Variants in IMMP2L observed in about 807,000 individuals in gnomAD.
IMMP2L encodes the protein mitochondrial inner membrane protease subunit 2.
Under a neutral mutation model 19.3 loss-of-function variants are expected in IMMP2L, and 18 were observed. The observed-to-expected ratio is 0.93, with a 90% CI of 0.64 to 1.38. IMMP2L has a LOEUF of 1.38. Among genes scored for constraint, IMMP2L ranks in the 40% most tolerant of loss-of-function variants. The pLI, the probability that IMMP2L is intolerant of heterozygous loss-of-function variation, is 0.00. For missense variants in IMMP2L, 233 were observed against 218.2 expected, an observed-to-expected ratio of 1.07 and a Z score of -0.43; for synonymous variants, 76 against 73.0, an observed-to-expected ratio of 1.04 and a Z score of -0.21.
chr7:111,280,617 C>T (rs1819581011), intron 3 of IMMP2L, among the ~76,000 whole-genome samples: 1 of 152,096 alleles, frequency 6.6e-6, no homozygotes, highest in Admixed American at 6.6e-5. Flanking sequence ...TCATGATGAA[C>T]TGGTCTTCCG....
At chr7:110,769,953 A>T (rs1277826422) in intron 5 of IMMP2L, among the ~76,000 whole-genome samples, 1 of 152,066 alleles carries the variant, frequency 6.6e-6, no homozygotes, top group Admixed American at 6.6e-5. Flanking sequence ...TGACTATCCG[A>T]ACTGTTGGGT....
chr7:111,151,952 T>A lies in IMMP2L; in HGVS notation c.240-188387A>T, dbSNP rs552117200. Among the ~76,000 whole-genome samples, 12 of 152,110 alleles carry A rather than the reference T, an allele frequency of 7.9e-5. 1 individual carries two copies. Among genetic ancestry groups the A allele is most frequent in the African/African-American group, 2.7e-4 (11 of 41,496 alleles). On this transcript the variant is annotated intron_variant, in intron 3 of 5. Coordinates refer to ENST00000405709, the MANE Select transcript of IMMP2L (RefSeq NM_032549.4). The stretch of plus-strand genomic sequence containing the variant: ...CTCTGTCTCAAACAAACGAACAAAA[T>A]CTGAAAACAATATTTGAGATTAAGA...
At chr7:111,243,066 A>C (rs1815325656) in intron 3 of IMMP2L, among the ~76,000 whole-genome samples, 2 of 152,056 alleles carry the variant, frequency 1.3e-5, no homozygotes, top group African/African-American at 4.8e-5. Flanking sequence ...TGAAGGTGAA[A>C]AATATTGTTA....
intron 1 of IMMP2L, among the ~76,000 whole-genome samples, chr7:111,539,195 G>GA (rs1848234277): frequency 8.5e-5 from 2 of 23,630 alleles, no homozygotes; most frequent in Non-Finnish European, 1.6e-4. Context: ...AAGGAAGGAG[G>GA]GAGAAAGAAA....
intron 3 of IMMP2L, among the ~76,000 whole-genome samples, chr7:111,180,042 C>G (rs1807530298): frequency 6.6e-6 from 1 of 151,968 alleles, no homozygotes; most frequent in South Asian, 2.1e-4. Flanking sequence ...CTGGTTTGAT[C>G]TATCCAGAAC....
chr7:110,925,265 A>T (rs901590461), intron 4 of IMMP2L, among the ~76,000 whole-genome samples: 5 of 152,058 alleles, frequency 3.3e-5, no homozygotes, highest in Admixed American at 6.6e-5. Context: ...TAAAAAGTTA[A>T]CTCTAACTTC....
chr7:110,972,160 G>A (rs1242757588), intron 3 of IMMP2L, among the ~76,000 whole-genome samples: 3 of 148,746 alleles, frequency 2.0e-5, no homozygotes, highest in Non-Finnish European at 4.4e-5. Context: ...TTAGCAAATT[G>A]TTTCCAGAAA....
intron 3 of IMMP2L, among the ~76,000 whole-genome samples, chr7:111,164,950 G>A (rs1805663879): frequency 6.6e-6 from 1 of 151,920 alleles, no homozygotes; most frequent in Non-Finnish European, 1.5e-5. Context: ...TTATATTTAA[G>A]TGTAGCATTC....
chr7:110,775,980 A>G (rs28687831), intron 5 of IMMP2L, among the ~76,000 whole-genome samples: 35,485 of 151,856 alleles, frequency 0.23, 4,825 homozygotes, highest in African/African-American at 0.37. Context: ...AAAACGCATG[A>G]AAAATAACTT....
chr7:111,139,756 A>T (rs1802691299), intron 3 of IMMP2L, among the ~76,000 whole-genome samples: 1 of 152,164 alleles, frequency 6.6e-6, no homozygotes, highest in African/African-American at 2.4e-5. Flanking sequence ...TTTCCTCTAA[A>T]TAAAAAAAAC....
intron 3 of IMMP2L, among the ~76,000 whole-genome samples, chr7:111,101,398 G>C (rs1207618804): frequency 6.6e-6 from 1 of 151,164 alleles, no homozygotes; most frequent in Non-Finnish European, 1.5e-5. Flanking sequence ...AACTCACTTG[G>C]GTACTTTTAA....
At chr7:110,871,853 G>T (rs2129543888) in intron 5 of IMMP2L, among the ~76,000 whole-genome samples, 1 of 152,076 alleles carries the variant, frequency 6.6e-6, no homozygotes, top group South Asian at 2.1e-4. Flanking sequence ...TCTAAACAAA[G>T]ACCTCAGAAT....
chr7:111,124,028 G>T (rs1478864064), intron 3 of IMMP2L: 1 of 1,613,960 alleles, frequency 6.2e-7, no homozygotes, highest in African/African-American at 1.3e-5. Context: ...ATGGAAATTT[G>T]TCTCCCTCTT....
chr7:111,278,410 A>C (rs550997254), intron 3 of IMMP2L, among the ~76,000 whole-genome samples: 1 of 152,174 alleles, frequency 6.6e-6, no homozygotes, highest in East Asian at 1.9e-4. Flanking sequence ...TCTCTTCTCC[A>C]CTCCCAACAA....
intron 5 of IMMP2L, among the ~76,000 whole-genome samples, chr7:110,754,333 G>A (rs985954671): frequency 3.9e-5 from 6 of 151,958 alleles, no homozygotes; most frequent in Non-Finnish European, 8.8e-5. Flanking sequence ...ATAGATGACC[G>A]GGGTTAACTA....
At chr7:110,825,838 G>T (rs903750024) in intron 5 of IMMP2L, among the ~76,000 whole-genome samples, 2 of 152,078 alleles carry the variant, frequency 1.3e-5, no homozygotes, top group African/African-American at 4.8e-5. Flanking sequence ...TTGACGAATG[G>T]GATCTAATTA....
At chr7:110,898,523 CT>C (rs1811547401) in intron 4 of IMMP2L, among the ~76,000 whole-genome samples, 1 of 152,086 alleles carries the variant, frequency 6.6e-6, no homozygotes, top group Non-Finnish European at 1.5e-5. Flanking sequence ...ACTAAAATGT[CT>C]TCATACTTAG....
intron 3 of IMMP2L, among the ~76,000 whole-genome samples, chr7:111,330,418 T>C (rs974046319): frequency 1.3e-5 from 2 of 151,538 alleles, no homozygotes; most frequent in African/African-American, 2.4e-5. Flanking sequence ...AAATAAAATA[T>C]GACTAATAAT....
intron 1 of IMMP2L, among the ~76,000 whole-genome samples, chr7:111,558,453 T>C (rs1384856510): frequency 1.3e-5 from 2 of 152,242 alleles, no homozygotes; most frequent in African/African-American, 4.8e-5. Context: ...CGGCAGATTC[T>C]GTGCCACATT....
Sources: allele counts gnomAD v4.1 joint callset (sites outside exome capture counted in the v4.1 genomes callset), GRCh38; gene constraint gnomAD v4.1.1; transcripts MANE v1.5; gene names NCBI Gene and HGNC (gene_info 2026-07-23, HGNC 2026-07-21).